LETM2: variants seen among roughly 807,000 people sequenced by gnomAD.
LETM2 encodes the protein leucine zipper and EF-hand containing transmembrane protein 2, also known as LETM1 domain-containing protein LETM2, mitochondrial.
A neutral mutation model predicts 59.6 loss-of-function variants in LETM2; 58 were observed. The ratio of observed to expected loss-of-function variants is 0.97; its 90% CI spans 0.79 to 1.21. LETM2 has a LOEUF of 1.21. LETM2 is among the 50% of genes most tolerant of loss of function. The pLI, the probability that LETM2 is intolerant of heterozygous loss-of-function variation, is 0.00. For synonymous variants in LETM2, 199 were observed against 214.1 expected (o/e 0.93, Z 0.62); for missense variants, 572 against 575.7 (o/e 0.99, Z 0.07).
chr8:38,402,563 A>G lies in LETM2; in HGVS notation c.1023A>G (p.Ser341=). ...AKEGVTALSV[S]ELQAACRARG... is the part of the protein sequence containing the mutation. Reference sequence around the variant, plus strand: ...AAGGGGTGACAGCATTGAGTGTATCAGAACTACAGGCTGCCTGTAGGGCCC... The same window carrying G: ...AAGGGGTGACAGCATTGAGTGTATCGGAACTACAGGCTGCCTGTAGGGCCC... The change falls in exon 7 of 11, where the codon TCA becomes TCG. Residue 341 remains serine (S), a synonymous_variant. Coordinates refer to ENST00000379957, the MANE Select transcript of LETM2 (RefSeq NM_001286819.2). 6.2e-7 allele frequency: 1 copy of G among 1,613,804 alleles called. No individual in the cohort carries two copies. The highest frequency in any genetic ancestry group is 1.3e-5 in the African/African-American group (1 of 75,060).
At chr8:38,403,230 T>C (rs925446864) in intron 7 of LETM2, among the ~76,000 whole-genome samples, 1 of 152,218 alleles carries the variant, frequency 6.6e-6, no homozygotes, top group African/African-American at 2.4e-5. Flanking sequence ...CTCCCTATCT[T>C]AAGGTCAACC....
intron 8 of LETM2, among the ~76,000 whole-genome samples, chr8:38,405,933 C>T (rs772397251): frequency 2.0e-5 from 3 of 152,124 alleles, no homozygotes; most frequent in African/African-American, 7.2e-5. Flanking sequence ...TTTTCCCACC[C>T]ATGTTTTTAA....
At chr8:38,402,448 C>T (rs1813308244) in intron 6 of LETM2, 77 bp from the exon 7 acceptor site, 9 of 1,526,040 alleles carry the variant, frequency 5.9e-6, no homozygotes, top group Non-Finnish European at 8.1e-6. Context: ...ATTCTGTTTC[C>T]ACTGATTTGC....
intron 4 of LETM2, among the ~76,000 whole-genome samples, chr8:38,398,242 AT>A (rs1812847379): frequency 6.6e-6 from 1 of 152,338 alleles, no homozygotes; most frequent in East Asian, 1.9e-4. Context: ...ATTTGCTTAC[AT>A]TTAAAATAAT....
At chr8:38,407,915 C>T (rs1319808418) in intron 10 of LETM2, 2 of 402,350 alleles carry the variant, frequency 5.0e-6, no homozygotes, top group Non-Finnish European at 9.2e-6. Flanking sequence ...AGAGAGTAAA[C>T]AGTGGGGAGG....
chr8:38,390,516 G>A (rs1812143455), intron 2 of LETM2, among the ~76,000 whole-genome samples: 1 of 149,562 alleles, frequency 6.7e-6, no homozygotes, highest in South Asian at 2.1e-4. Context: ...CAGATACTCG[G>A]GAGGCTGAGG....
intron 4 of LETM2, chr8:38,396,956 G>T: frequency 5.7e-6 from 2 of 351,918 alleles, no homozygotes; most frequent in Non-Finnish European, 5.6e-6. Context: ...CACTGTTACC[G>T]CGGTGACTAG....
rs796838740 is a variant in LETM2 at position 38,403,246 on chromosome 8, G to C, written c.1104+602G>C. On this transcript the variant is annotated intron_variant, in intron 7 of 10. Coordinates refer to ENST00000379957, the MANE Select transcript of LETM2 (RefSeq NM_001286819.2). ...TCCCTATCTTAAGGTCAACCGACTT[G>C]GGACTTCAGTTACACCTGTAGAATC... Among the ~76,000 whole-genome samples the C allele has an allele frequency of 3.3e-5, 5 of 152,310 alleles. 1 individual carries two copies. The highest frequency in any genetic ancestry group is 1.2e-4 in the African/African-American group (5 of 41,574).
rs1428355369 is a variant in LETM2 at position 38,404,433 on chromosome 8, T to C, written c.1145T>C (p.Leu382Pro). 1 of 1,613,892 alleles carries C rather than the reference T, an allele frequency of 6.2e-7. No individual in the cohort carries two copies. Among genetic ancestry groups the C allele is most frequent in the East Asian group, 2.2e-5 (1 of 44,858 alleles). ...LHLKENVPPS[L>P]LLLSRTFYLI... ...CTGAAGGAGAACGTCCCTCCTTCCCTTTTGCTCCTGTCCCGCACCTTCTAC... is the reference window on the plus strand; with the variant it reads ...CTGAAGGAGAACGTCCCTCCTTCCCCTTTGCTCCTGTCCCGCACCTTCTAC... The change falls in exon 8 of 11, where the codon CTT becomes CCT. Residue 382 changes from leucine (L) to proline (P), a missense_variant. Transcript: ENST00000379957.
rs188543168 is a variant in LETM2 at position 38,404,696 on chromosome 8, A to C, written c.1218+190A>C. On this transcript the variant is annotated intron_variant, in intron 8 of 10. Transcript: ENST00000379957. The stretch of plus-strand genomic sequence containing the variant: ...CAACCACAAACAAACAAAACAAAGG[A>C]AGGCCAGGCACAGTGGCTTACGCCT... 4.7e-3 allele frequency: 2,591 copies of C among 555,214 alleles called. 15 individuals are homozygous for C. The highest frequency in any genetic ancestry group is 9.3e-3 in the Middle Eastern group (22 of 2,366). 34.4% of individuals were successfully genotyped at this position (555,214 alleles called of 1,614,324 possible).
At chr8:38,391,799 C>T (rs540916996) in intron 2 of LETM2, among the ~76,000 whole-genome samples, 2 of 151,792 alleles carry the variant, frequency 1.3e-5, no homozygotes, top group East Asian at 3.9e-4. Flanking sequence ...TCAAGCGATT[C>T]TCCTGCCTCA....
At position 38,407,367 on chromosome 8, in the gene LETM2, AGAC is replaced by A; in HGVS notation, c.1318_1320del (p.Asp440del). The stretch of plus-strand genomic sequence containing the variant: ...TCTCAGTTCTGATGTTTAAGGATGA[AGAC>A]TTTATACAGCCGCCACCAGTTACAT... On this transcript the variant is annotated inframe_deletion, in exon 10 of 11. Coordinates refer to ENST00000379957, the MANE Select transcript of LETM2 (RefSeq NM_001286819.2). 6.2e-7 allele frequency: 1 copy of A among 1,609,030 alleles called. No homozygotes were observed. Among genetic ancestry groups the A allele is most frequent in the Non-Finnish European group, 8.5e-7 (1 of 1,175,562 alleles).
chr8:38,405,870 GGTGAGAACGGAA>G (rs1187806535), intron 8 of LETM2, among the ~76,000 whole-genome samples: 3 of 152,172 alleles, frequency 2.0e-5, no homozygotes, highest in African/African-American at 7.2e-5. Context: ...TTCTGGAGTG[GGTGAGAACGGAA>G]TTAAGGACAA....
chr8:38,404,497 C>T lies in LETM2; in HGVS notation c.1209C>T (p.Leu403=), dbSNP rs759984706. The T allele has an allele frequency of 1.2e-6, 2 of 1,611,458 alleles. No individual in the cohort carries two copies. Among genetic ancestry groups the T allele is most frequent in the African/African-American group, 1.3e-5 (1 of 74,888 alleles). The change falls in exon 8 of 11, where the codon CTC becomes CTT. Residue 403 remains leucine (L), a synonymous_variant. Coordinates refer to ENST00000379957, the MANE Select transcript of LETM2 (RefSeq NM_001286819.2). Reference sequence around the variant, plus strand: ...AGCCCAAGCCGATTGAGATACCACTCAGTGGGGAGGTGAGTACCTGGGTTA... The same window carrying T: ...AGCCCAAGCCGATTGAGATACCACTTAGTGGGGAGGTGAGTACCTGGGTTA... ...DVKPKPIEIP[L]SGEAPKTDIL...
chr8:38,391,209 AACC>A (rs1186416423), intron 2 of LETM2, among the ~76,000 whole-genome samples: 5 of 144,064 alleles, frequency 3.5e-5, no homozygotes, highest in African/African-American at 1.1e-4. Context: ...CAAAAAAAAA[AACC>A]AAAAAACTGA....
Position 38,392,620 on chromosome 8 carries a change from T to C in LETM2, c.126T>C (p.His42=). ...CATTTCTTCACTTGCCAGATTCCCA[T>C]TTAAATAAGACATGTATGAAGAACT... is the stretch of plus-strand genomic sequence containing the variant. ...SCAFLHLPDS[H]LNKTCMKNYE... Residue 42 remains histidine, a synonymous_variant, in exon 3 of 11, where the codon CAT becomes CAC. Coordinates refer to ENST00000379957, the MANE Select transcript of LETM2 (RefSeq NM_001286819.2). 1 of 1,613,890 alleles carries C rather than the reference T, an allele frequency of 6.2e-7. No homozygotes were observed. The highest frequency in any genetic ancestry group is 8.5e-7 in the Non-Finnish European group (1 of 1,179,876).
rs771034690 is a variant in LETM2 at position 38,408,216 on chromosome 8, T to G, written c.1418T>G (p.Leu473Arg). The G allele has an allele frequency of 6.2e-7, 1 of 1,612,590 alleles. No homozygotes were observed. Among genetic ancestry groups the G allele is most frequent in the Admixed American group, 1.7e-5 (1 of 59,818 alleles). Residue 473 changes from leucine to arginine, a missense_variant, in exon 11 of 11, where the codon CTC (leucine) becomes CGC (arginine). Physicochemically the swap from Leu to Arg is moderately radical, Grantham distance 102. Transcript: ENST00000379957. ...GTCCTTGTTTTTTACGCCTAGACACTCCAGGCCAAATCACAAATGACGGCC... is the reference window on the plus strand; with the variant it reads ...GTCCTTGTTTTTTACGCCTAGACACGCCAGGCCAAATCACAAATGACGGCC... Reference protein sequence around the residue: ...GPITSSEEPTLQAKSQMTAQN... With the variant: ...GPITSSEEPTRQAKSQMTAQN...
intron 2 of LETM2, among the ~76,000 whole-genome samples, chr8:38,391,210 AC>A (rs1563383577): frequency 1.4e-5 from 2 of 141,910 alleles, no homozygotes; most frequent in Middle Eastern, 3.7e-3. Context: ...AAAAAAAAAA[AC>A]CAAAAAACTG....
At chr8:38,389,004 A>G (rs1811997147) in intron 2 of LETM2, among the ~76,000 whole-genome samples, 1 of 151,632 alleles carries the variant, frequency 6.6e-6, no homozygotes, top group Admixed American at 6.6e-5. Context: ...GACCTCAGGT[A>G]ATCCGCCAGC....
Sources: allele counts gnomAD v4.1 joint callset (sites outside exome capture counted in the v4.1 genomes callset), GRCh38; gene constraint gnomAD v4.1.1; transcripts MANE v1.5; gene names NCBI Gene and HGNC (gene_info 2026-07-23, HGNC 2026-07-21).